Variants in RABEPK observed in about 807,000 individuals in gnomAD.
The protein encoded by RABEPK is 40 kDa Rab9 effector protein.
Under a neutral mutation model 34.1 loss-of-function variants are expected in RABEPK, and 27 were observed. That is an observed-to-expected ratio of 0.79 (90% CI 0.58 to 1.09). RABEPK has a LOEUF of 1.09. Among genes scored for constraint, RABEPK ranks in the 50% least tolerant of loss-of-function variants. The pLI is 0.00. For missense variants in RABEPK, 449 were observed against 462.6 expected (o/e 0.97, Z 0.27); for synonymous variants, 172 against 169.2 (o/e 1.02, Z -0.13).
Position 125,233,895 on chromosome 9 carries a change from CT to C in RABEPK, c.1035del (p.Ala346LeufsTer11), listed in dbSNP as rs1832404032. On this transcript the variant is annotated frameshift_variant, in exon 8 of 8. Transcript: ENST00000373538. LOFTEE classifies it high-confidence loss of function. ...HSGDSHEESQTATLLCLVFGG... is the reference protein window; with the variant it reads ...HSGDSHEESQXATLLCLVFGG... ...GGTGACTCACATGAGGAAAGCCAGA[CT>C]GCTACACTGCTCTGTTTGGTGTTTG... 6.2e-7 allele frequency: 1 copy of C among 1,613,232 alleles called. No homozygotes were observed. The highest frequency in any genetic ancestry group is 1.1e-5 in the South Asian group (1 of 91,064).
rs1174958374 is a variant in RABEPK at position 125,220,565 on chromosome 9, G to A, written c.391G>A (p.Val131Met). Residue 131 changes from valine (V) to methionine (M), a missense_variant, in exon 5 of 8, where the codon GTG becomes ATG. Physicochemically the swap from Val to Met is conservative, Grantham distance 21 (BLOSUM62 1). Coordinates refer to ENST00000373538, the MANE Select transcript of RABEPK (RefSeq NM_005833.4). ...PETRTWTTPE[V>M]TSPPPSPRTF... ...AACCAGGACGTGGACCACGCCAGAA[G>A]TGACCAGCCCCCCACCATCCCCAAG... The A allele has an allele frequency of 6.2e-7, 1 of 1,613,894 alleles. No individual in the cohort carries two copies. The highest frequency in any genetic ancestry group is 1.3e-5 in the African/African-American group (1 of 74,912).
chr9:125,220,789 G>T (rs1831278151), intron 5 of RABEPK, 89 bp downstream of exon 5: 2 of 1,410,960 alleles, frequency 1.4e-6, no homozygotes, highest in Admixed American at 2.6e-5. Flanking sequence ...GAAAAGGAAA[G>T]CCTGACTAAG....
At chr9:125,211,678 T>TA (rs929984763) in intron 3 of RABEPK, among the ~76,000 whole-genome samples, 3 of 151,928 alleles carry the variant, frequency 2.0e-5, no homozygotes, top group Admixed American at 6.6e-5. Context: ...CTCCCTGCAC[T>TA]AAAAAAATCA....
At chr9:125,201,046 G>A in intron 1 of RABEPK, 140 bp downstream of exon 1, 1 of 354,532 alleles carries the variant, frequency 2.8e-6, no homozygotes, top group Non-Finnish European at 5.6e-6. Context: ...ACTTAGTCTA[G>A]TGGAATTTAA....
Position 125,220,688 on chromosome 9 carries a change from G to A in RABEPK, c.514G>A (p.Val172Met). 2 of 1,614,100 alleles carry A rather than the reference G, an allele frequency of 1.2e-6. No individual in the cohort carries two copies. The highest frequency in any genetic ancestry group is 1.7e-6 in the Non-Finnish European group (2 of 1,179,978). The change falls in exon 5 of 8, where the codon GTG (valine) becomes ATG (methionine). Residue 172 changes from valine to methionine, a missense_variant. Physicochemically the swap from Val to Met is conservative, Grantham distance 21. Coordinates refer to ENST00000373538, the MANE Select transcript of RABEPK (RefSeq NM_005833.4). Reference protein sequence around the residue: ...AQPVQDTKLHVFDANTLTWSQ... With the variant: ...AQPVQDTKLHMFDANTLTWSQ... The stretch of plus-strand genomic sequence containing the variant: ...GCCCGTGCAGGACACGAAGCTGCAT[G>A]TGTTTGACGCAAGTATGGACTGGTG...
At chr9:125,201,324 G>A (rs997307934) in intron 1 of RABEPK, among the ~76,000 whole-genome samples, 1 of 152,164 alleles carries the variant, frequency 6.6e-6, no homozygotes, top group Non-Finnish European at 1.5e-5. Flanking sequence ...ATTATGAAAA[G>A]GCCTGCCATA....
intron 5 of RABEPK, among the ~76,000 whole-genome samples, chr9:125,225,818 C>G (rs1016214589): frequency 2.0e-5 from 3 of 151,900 alleles, no homozygotes; most frequent in African/African-American, 7.3e-5. Flanking sequence ...AAAAAATTAG[C>G]CGGGCTTGGT....
At chr9:125,229,949 G>A (rs1427250682) in intron 6 of RABEPK, among the ~76,000 whole-genome samples, 1 of 152,054 alleles carries the variant, frequency 6.6e-6, no homozygotes, top group Non-Finnish European at 1.5e-5. Context: ...ACAGTGTCTG[G>A]CAGATAGTGG....
intron 2 of RABEPK, among the ~76,000 whole-genome samples, chr9:125,206,958 ACATG>A (rs1008393257): frequency 1.9e-4 from 29 of 152,040 alleles, no homozygotes; most frequent in African/African-American, 6.0e-4. Context: ...GTGTGGTGGC[ACATG>A]CCTGTAATCC....
chr9:125,223,725 T>TAAAAAAA (rs35661565), intron 5 of RABEPK, among the ~76,000 whole-genome samples: 1 of 119,760 alleles, frequency 8.4e-6, no homozygotes, highest in African/African-American at 3.2e-5. Flanking sequence ...ACCCTGACTC[T>TAAAAAAA]AAAAAAAAAA....
intron 4 of RABEPK, among the ~76,000 whole-genome samples, chr9:125,217,670 A>T (rs1352220014): frequency 6.6e-6 from 1 of 152,144 alleles, no homozygotes; most frequent in East Asian, 1.9e-4. Flanking sequence ...ACTTAGTTGC[A>T]TTTGTTACCA....
chr9:125,224,212 A>C (rs1464352281), intron 5 of RABEPK, among the ~76,000 whole-genome samples: 28 of 148,116 alleles, frequency 1.9e-4, no homozygotes, highest in African/African-American at 6.7e-4. Context: ...CAAAAACAAA[A>C]CAAAAAAAAA....
chr9:125,221,439 A>C (rs1831326449), intron 5 of RABEPK: 1 of 151,606 alleles, frequency 6.6e-6, no homozygotes, highest in South Asian at 2.1e-4. Flanking sequence ...GGAGGTGGCA[A>C]TGAACCAAGA....
At chr9:125,201,035 A>G (rs1251703207) in intron 1 of RABEPK, 129 bp downstream of exon 1, 1 of 355,826 alleles carries the variant, frequency 2.8e-6, no homozygotes, top group Non-Finnish European at 5.6e-6. Context: ...GCCCTCTAGG[A>G]ACTTAGTCTA....
chr9:125,206,979 C>G (rs1418795579), intron 2 of RABEPK, among the ~76,000 whole-genome samples: 1 of 151,786 alleles, frequency 6.6e-6, no homozygotes, highest in East Asian at 1.9e-4. Flanking sequence ...ATCCCAGCTG[C>G]TAGGGAGGCT....
rs189414250 is a variant in RABEPK at position 125,200,670 on chromosome 9, A to C, written c.-243A>C. 15 of 471,004 alleles carry C rather than the reference A, an allele frequency of 3.2e-5. No homozygotes were observed. In the East Asian group the frequency reaches 1.0e-3, roughly 33 times the overall value. 29.2% of individuals were successfully genotyped at this position (471,004 alleles called of 1,614,324 possible). A position where few individuals can be genotyped will look rare whatever the true frequency, so the allele number is the denominator to read the frequency against. On this transcript the variant is annotated 5_prime_UTR_variant, in exon 1 of 8. Coordinates refer to ENST00000373538, the MANE Select transcript of RABEPK (RefSeq NM_005833.4). ...GCAGGGAGTCTGAATCTTTTAGGGG[A>C]GTGGGCCCAAGCCGGGTGCAAAGAA...
Position 125,220,535 on chromosome 9 carries a change from C to A in RABEPK, c.365-4C>A, listed in dbSNP as rs1225340535. 2 of 1,611,950 alleles carry A rather than the reference C, an allele frequency of 1.2e-6. No individual in the cohort carries two copies. The highest frequency in any genetic ancestry group is 1.3e-5 in the African/African-American group (1 of 74,874). ...TTTAAGTGCCTGCATTCTCTCTGGCCCAGAAACCAGGACGTGGACCACGCC... is the reference window on the plus strand; with the variant it reads ...TTTAAGTGCCTGCATTCTCTCTGGCACAGAAACCAGGACGTGGACCACGCC... On this transcript the variant is annotated splice_polypyrimidine_tract_variant and splice_region_variant and intron_variant, in intron 4 of 7. Transcript: ENST00000373538.
At chr9:125,203,122 G>A (rs1830010388) in intron 2 of RABEPK, 56 bp downstream of exon 2, 3 of 1,471,588 alleles carry the variant, frequency 2.0e-6, no homozygotes, top group South Asian at 2.3e-5. Flanking sequence ...TCATTTATAA[G>A]TAGTTTATTT....
At position 125,203,034 on chromosome 9, in the gene RABEPK, G is replaced by A. The variant is rs1413725185; in HGVS notation, c.21G>A (p.Leu7=). The stretch of plus-strand genomic sequence containing the variant: ...ACACCATGAAGCAACTGCCAGTCTT[G>A]GAACCTGGAGACAAGCCCAGGAAAG... MKQLPV[L]EPGDKPRKAT... The change falls in exon 2 of 8, where the codon TTG becomes TTA. Residue 7 remains leucine, a synonymous_variant. Transcript: ENST00000373538. The A allele has an allele frequency of 1.2e-6, 2 of 1,613,658 alleles. No homozygotes were observed. Among genetic ancestry groups the A allele is most frequent in the South Asian group, 2.2e-5 (2 of 91,060 alleles).
Sources: gnomAD v4.1 joint callset for allele counts (sites outside exome capture counted in the v4.1 genomes callset) on GRCh38, gnomAD v4.1.1 for gene constraint, MANE v1.5 for transcripts, NCBI Gene and HGNC (gene_info 2026-07-23, HGNC 2026-07-21) for gene names.